Variants in EIPR1 observed in about 807,000 individuals in gnomAD.
EIPR1 encodes the protein EARP complex and GARP complex interacting protein 1, also known as EARP and GARP complex-interacting protein 1.
EIPR1 carries 25 observed loss-of-function variants against 48.1 expected under a neutral mutation model. The ratio of observed to expected loss-of-function variants is 0.52; its 90% confidence interval spans 0.38 to 0.73. EIPR1 has a LOEUF of 0.73. Ranked by LOEUF, EIPR1 falls within the 30% of genes least tolerant of loss-of-function variation. EIPR1 has a pLI of 0.00. For missense variants in EIPR1, 415 were observed against 506.2 expected (o/e 0.82, Z 1.73); for synonymous variants, 204 against 201.9 (o/e 1.01, Z -0.09).
intron 3 of EIPR1, among the ~76,000 whole-genome samples, chr2:3,259,318 T>G (rs914721459): frequency 4.6e-5 from 7 of 152,160 alleles, no homozygotes; most frequent in African/African-American, 1.2e-4. Context: ...GTTCCTTCTT[T>G]GGAGAATTCT....
At chr2:3,250,237 G>A (rs528418120) in intron 4 of EIPR1, among the ~76,000 whole-genome samples, 1 of 152,348 alleles carries the variant, frequency 6.6e-6, no homozygotes, top group South Asian at 2.1e-4. Flanking sequence ...CAGCTGGCCA[G>A]GGTTTTGGGA....
chr2:3,254,690 G>A (rs1667100832), intron 4 of EIPR1, among the ~76,000 whole-genome samples: 1 of 152,216 alleles, frequency 6.6e-6, no homozygotes, highest in Non-Finnish European at 1.5e-5. Context: ...GGTGGCCAGG[G>A]GCTAAGGCCT....
intron 3 of EIPR1, chr2:3,262,019 G>A (rs1667349641): frequency 6.6e-6 from 1 of 152,206 alleles, no homozygotes; most frequent in African/African-American, 2.4e-5. Flanking sequence ...ATGACTCTAA[G>A]CTCAACAAAG....
chr2:3,227,095 G>A (rs529391726), intron 4 of EIPR1, among the ~76,000 whole-genome samples: 7 of 152,298 alleles, frequency 4.6e-5, no homozygotes, highest in South Asian at 4.1e-4. Context: ...AAAGACACCC[G>A]AAAATGTGGA....
Position 3,189,672 on chromosome 2 carries a change from C to T in EIPR1, c.990-164G>A, listed in dbSNP as rs925977235. Among the ~76,000 whole-genome samples the T allele has an allele frequency of 2.6e-4, 40 of 152,130 alleles. No individual in the cohort carries two copies. Among genetic ancestry groups the T allele is most frequent in the African/African-American group, 9.7e-4 (40 of 41,444 alleles). ...GAATTAGAGGAGCCCACACCGAGGA[C>T]GGTGGGGTGGTCCCTGCAGAAGCCC... On this transcript the variant is annotated intron_variant, in intron 8 of 8. Coordinates refer to ENST00000382125, the MANE Select transcript of EIPR1 (RefSeq NM_003310.5). This position sits in a 1 kb window ranked among gnomAD's most constrained non-coding sequence, Gnocchi z 4.6.
intron 4 of EIPR1, among the ~76,000 whole-genome samples, chr2:3,245,480 T>C (rs1005072424): frequency 2.6e-5 from 4 of 152,250 alleles, no homozygotes; most frequent in Admixed American, 1.3e-4. Flanking sequence ...CCCAAAATGT[T>C]GAGATTATAG....
intron 5 of EIPR1, among the ~76,000 whole-genome samples, chr2:3,209,905 T>G (rs4854139): frequency 0.93 from 141,410 of 152,142 alleles, 65,857 homozygotes; most frequent in East Asian, 0.98. Context: ...GGGCACAGAG[T>G]ATTTTTAGGG....
Position 3,362,136 on chromosome 2 carries a change from G to T in EIPR1, c.43-7503C>A, listed in dbSNP as rs539402689. ...CAACTAAGCTTGGACCTCAACTACC[G>T]TTCTGGTCCCTGTCCCTCCCCAGTC... On this transcript the variant is annotated intron_variant, in intron 1 of 8. Transcript: ENST00000382125. Among the ~76,000 whole-genome samples, 9 of 152,150 alleles carry T rather than the reference G, an allele frequency of 5.9e-5. 1 individual carries two copies. Among genetic ancestry groups the T allele is most frequent in the Non-Finnish European group, 1.5e-5 (1 of 68,020 alleles).
intron 1 of EIPR1, among the ~76,000 whole-genome samples, chr2:3,358,861 GT>G (rs1219194233): frequency 6.6e-6 from 1 of 152,146 alleles, no homozygotes; most frequent in East Asian, 1.9e-4. Flanking sequence ...GCAGGACTGT[GT>G]TATCACCCTA....
chr2:3,336,810 GGAAAA>G (rs780183467), intron 3 of EIPR1, among the ~76,000 whole-genome samples: 1 of 147,288 alleles, frequency 6.8e-6, no homozygotes, highest in Non-Finnish European at 1.5e-5. Flanking sequence ...GAAAAGAAAA[GGAAAA>G]GAAAAGAAAA....
intron 4 of EIPR1, among the ~76,000 whole-genome samples, chr2:3,241,391 C>T (rs1222816108): frequency 1.3e-5 from 2 of 152,178 alleles, no homozygotes; most frequent in African/African-American, 4.8e-5. Context: ...TTATACGTAG[C>T]AATCCCTATA....
At chr2:3,224,057 C>T (rs987972902) in intron 4 of EIPR1, among the ~76,000 whole-genome samples, 26 of 152,170 alleles carry the variant, frequency 1.7e-4, no homozygotes, top group African/African-American at 6.0e-4. Context: ...GTTGTGTTGC[C>T]TTTTCTTCAA....
intron 3 of EIPR1, chr2:3,300,756 T>C (rs1668740461): frequency 6.6e-6 from 1 of 152,236 alleles, no homozygotes; most frequent in African/African-American, 2.4e-5. Context: ...AAATACCTAA[T>C]GGTCCAAAAG....
At chr2:3,344,833 G>A (rs979285026) in intron 2 of EIPR1, among the ~76,000 whole-genome samples, 1 of 151,770 alleles carries the variant, frequency 6.6e-6, no homozygotes, top group African/African-American at 2.4e-5. Flanking sequence ...AGTAGAGACA[G>A]GGTTTCATCA....
chr2:3,294,585 ACATACAC>A (rs1668474928), intron 3 of EIPR1, among the ~76,000 whole-genome samples: 1 of 135,036 alleles, frequency 7.4e-6, no homozygotes, highest in Non-Finnish European at 1.6e-5. Context: ...TCCTCTGCAC[ACATACAC>A]CCTCCATCCA....
chr2:3,367,776 C>T (rs536429308), intron 1 of EIPR1, among the ~76,000 whole-genome samples: 4 of 152,224 alleles, frequency 2.6e-5, no homozygotes, highest in African/African-American at 7.2e-5. Context: ...CGGCTGGGTG[C>T]GGGGGCTCAC....
intron 4 of EIPR1, among the ~76,000 whole-genome samples, chr2:3,232,055 T>C (rs541276760): frequency 5.3e-5 from 8 of 152,342 alleles, no homozygotes; most frequent in South Asian, 4.1e-4. Context: ...CTTTATTCAG[T>C]CTTGGTAGGT....
chr2:3,308,637 C>T (rs1355313641), intron 3 of EIPR1, among the ~76,000 whole-genome samples: 2 of 152,136 alleles, frequency 1.3e-5, no homozygotes, highest in African/African-American at 2.4e-5. Context: ...TGGTGAAGGA[C>T]GTTGCCTACA....
At chr2:3,283,100 T>C (rs570867158) in intron 3 of EIPR1, among the ~76,000 whole-genome samples, 68 of 152,266 alleles carry the variant, frequency 4.5e-4, no homozygotes, top group African/African-American at 1.5e-3. Context: ...CAGTCCTCAT[T>C]TGGAGAATAT....
Sources: allele counts gnomAD v4.1 joint callset (sites outside exome capture counted in the v4.1 genomes callset), GRCh38; gene constraint gnomAD v4.1.1; non-coding constraint Gnocchi (gnomAD v3.1); transcripts MANE v1.5; gene names NCBI Gene and HGNC (gene_info 2026-07-23, HGNC 2026-07-21).